Variants in PHYKPL observed in about 807,000 individuals in gnomAD.
PHYKPL encodes the protein 5-phosphohydroxy-L-lysine phospho-lyase.
PHYKPL carries 42 observed loss-of-function variants against 51.3 expected under a neutral mutation model. The ratio of observed to expected loss-of-function variants is 0.82; its 90% CI spans 0.64 to 1.06. The LOEUF (loss-of-function observed/expected upper bound fraction) is 1.06. Ranked by LOEUF, PHYKPL falls within the 50% of genes least tolerant of loss-of-function variation. PHYKPL has a pLI of 0.00. For missense variants in PHYKPL, 655 were observed against 586.6 expected (o/e 1.12, Z -1.20); for synonymous variants, 264 against 236.0 (o/e 1.12, Z -1.09).
chr5:178,209,392 C>T (rs1441742952), intron 12 of PHYKPL: 1 of 1,613,962 alleles, frequency 6.2e-7, no homozygotes, highest in African/African-American at 1.3e-5. Context: ...GCTCTGGGGG[C>T]CGTGGAAACC....
chr5:178,232,461 G>GA (rs1763717145), intron 1 of PHYKPL, 31 bp downstream of exon 1: 8 of 1,355,902 alleles, frequency 5.9e-6, no homozygotes, highest in African/African-American at 1.5e-5. Context: ...GCAGCCCCGC[G>GA]CCCCCCGCCG....
At chr5:178,231,332 C>A (rs755396644) in intron 2 of PHYKPL, 73 bp downstream of exon 2, 43 of 1,608,616 alleles carry the variant, frequency 2.7e-5, no homozygotes, top group Non-Finnish European at 3.7e-5. Flanking sequence ...TCGGCAATCT[C>A]AGGTCACCTT....
chr5:178,229,818 G>A, intron 3 of PHYKPL, 122 bp downstream of exon 3: 1 of 1,260,766 alleles, frequency 7.9e-7, no homozygotes, highest in South Asian at 1.4e-5. Context: ...CAGGAGCCTG[G>A]TGCAGTGGGG....
chr5:178,216,885 TAGCC>T (rs1458144200), intron 8 of PHYKPL: 2 of 151,994 alleles, frequency 1.3e-5, no homozygotes, highest in Non-Finnish European at 2.9e-5. Context: ...AAAATAAAAA[TAGCC>T]AGGCGTGGTG....
rs764892016 is a variant in PHYKPL, at chr5:178,214,796, C to A, written c.1172G>T (p.Arg391Met). ...GCAACTTGTTTCAAGAAGAAAATAC[C>A]TTGATACCAAGTAGGCAGCCTCTTC... is the stretch of plus-strand genomic sequence containing the variant. Reference protein sequence around the residue: ...ATEEAAYLVSRLKENYVLLST... With the variant: ...ATEEAAYLVSMLKENYVLLST... The change falls in exon 10 of 13, where the codon AGG becomes ATG. Residue 391 changes from arginine to methionine, a missense_variant and splice_region_variant. Physicochemically the swap from Arg to Met is moderately conservative, Grantham distance 91. Transcript: ENST00000308158. 6.2e-7 allele frequency: 1 copy of A among 1,613,888 alleles called. No individual in the cohort carries two copies. The highest frequency in any genetic ancestry group is 1.7e-5 in the Admixed American group (1 of 60,024).
intron 4 of PHYKPL, 78 bp downstream of exon 4, chr5:178,225,277 C>G: frequency 6.4e-7 from 1 of 1,553,034 alleles, no homozygotes; most frequent in Non-Finnish European, 8.9e-7. Flanking sequence ...CCTAAGGCAC[C>G]CAGAGTCAGT....
chr5:178,228,167 T>C (rs1348794185), intron 3 of PHYKPL: 3 of 240,012 alleles, frequency 1.2e-5, no homozygotes, highest in South Asian at 7.3e-5. Flanking sequence ...ATGGATGCTA[T>C]GTAATACCAA....
intron 4 of PHYKPL, chr5:178,225,057 A>G (rs1218624672): frequency 3.5e-6 from 2 of 566,226 alleles, no homozygotes; most frequent in Non-Finnish European, 6.3e-6. Flanking sequence ...TGCACATCAC[A>G]TACTCAATTC....
intron 1 of PHYKPL, chr5:178,231,788 G>C: frequency 2.8e-6 from 4 of 1,429,492 alleles, no homozygotes; most frequent in Non-Finnish European, 3.7e-6. Context: ...GCTCATTTCT[G>C]CATGTGTCCG....
At chr5:178,210,230 T>G in intron 12 of PHYKPL, 2 of 1,613,442 alleles carry the variant, frequency 1.2e-6, no homozygotes, top group African/African-American at 2.7e-5. Context: ...CTACGACTAC[T>G]CGCCCTATGG....
chr5:178,231,364 C>A, intron 2 of PHYKPL, 41 bp downstream of exon 2: 3 of 1,613,914 alleles, frequency 1.9e-6, no homozygotes, highest in Non-Finnish European at 2.5e-6. Context: ...CACAGCACTG[C>A]CTTCCTCTCC....
chr5:178,213,954 C>T (rs374709672), intron 10 of PHYKPL, among the ~76,000 whole-genome samples: 10 of 152,274 alleles, frequency 6.6e-5, no homozygotes, highest in South Asian at 4.1e-4. Context: ...TTGTGAGACA[C>T]GGGCTGAACT....
chr5:178,232,659 G>T lies in PHYKPL; in HGVS notation c.-109C>A, dbSNP rs760371255. On this transcript the variant is annotated 5_prime_UTR_variant, in exon 1 of 13. Transcript: ENST00000308158. ...CCGCCCCTGCCTGGGTCGGGATTTG[G>T]GGCTCAGGTTCGCACTCGGCCCCGC... 1.7e-6 allele frequency: 2 copies of T among 1,186,110 alleles called. No individual in the cohort carries two copies. The highest frequency in any genetic ancestry group is 3.3e-5 in the East Asian group (1 of 30,444). The allele number at this position is 1,186,110 out of a possible 1,614,324, so 73.5% of individuals were successfully genotyped here.
rs1301790035 is a variant in PHYKPL at position 178,215,267 on chromosome 5, G to GAGCC, written c.1082+5_1082+8dup. 6.2e-7 allele frequency: 1 copy of GAGCC among 1,613,954 alleles called. No individual in the cohort carries two copies. The highest frequency in any genetic ancestry group is 2.2e-5 in the East Asian group (1 of 44,882). On this transcript the variant is annotated intron_variant, in intron 9 of 12. Transcript: ENST00000308158. ...AGGTGGGTGGTGACTGCTGCCCCCA[G>GAGCC]AGCCTCACCTGACATCCCCGACGAT...
chr5:178,224,840 T>C (rs1761978653), intron 4 of PHYKPL, 111 bp from the exon 5 acceptor site: 1 of 785,914 alleles, frequency 1.3e-6, no homozygotes. Flanking sequence ...CCAACTTTCC[T>C]GACAGAGCCC....
intron 9 of PHYKPL, 113 bp from the exon 10 acceptor site, chr5:178,214,998 C>T: frequency 1.0e-6 from 1 of 961,830 alleles, no homozygotes; most frequent in Non-Finnish European, 1.6e-6. Flanking sequence ...GCAGGAGGCA[C>T]CTTCAGAAGG....
intron 10 of PHYKPL, 133 bp from the exon 11 acceptor site, chr5:178,213,236 GGTCACCTCTCCCAGAGTCCTGT>G (rs1465770361): frequency 8.1e-7 from 1 of 1,227,106 alleles, no homozygotes; most frequent in Non-Finnish European, 1.1e-6. Flanking sequence ...TCATTTTACT[GGTCACCTCTCCCAGAGTCCTGT>G]GCATCTGGCC....
intron 2 of PHYKPL, chr5:178,230,506 G>T: frequency 6.2e-6 from 1 of 160,570 alleles, no homozygotes; most frequent in Non-Finnish European, 1.4e-5. Flanking sequence ...ATAGACACCA[G>T]TCACCATGCC....
At chr5:178,231,817 T>C (rs995120446) in intron 1 of PHYKPL, 2 of 1,377,134 alleles carry the variant, frequency 1.5e-6, no homozygotes, top group East Asian at 4.2e-5. Flanking sequence ...TCCCGGATCC[T>C]GAGAAAAGGT....
Sources: gnomAD v4.1 joint callset for allele counts (sites outside exome capture counted in the v4.1 genomes callset) on GRCh38, gnomAD v4.1.1 for gene constraint, MANE v1.5 for transcripts, NCBI Gene and HGNC (gene_info 2026-07-23, HGNC 2026-07-21) for gene names.